The following CARD8 variants were observed in gnomAD, a reference collection of about 807,000 sequenced individuals.
The protein encoded by CARD8 is caspase recruitment domain family member 8.
A neutral mutation model predicts 53.2 loss-of-function variants in CARD8; 38 were observed. That is an observed-to-expected ratio of 0.71 (90% CI 0.55 to 0.94). The LOEUF is 0.94. Ranked by LOEUF, CARD8 falls within the 40% of genes least tolerant of loss-of-function variation. The pLI, the probability that CARD8 is intolerant of heterozygous loss-of-function variation, is 0.00. For synonymous variants in CARD8, 245 were observed against 244.9 expected, an observed-to-expected ratio of 1.00 and a Z score of 0.00; for missense variants, 561 against 655.5, an observed-to-expected ratio of 0.86 and a Z score of 1.57.
chr19:48,237,614 T>C (rs747864876), intron 5 of CARD8, among the ~76,000 whole-genome samples: 1 of 151,708 alleles, frequency 6.6e-6, no homozygotes, highest in Non-Finnish European at 1.5e-5. Flanking sequence ...CTGGCCAACA[T>C]GGTGAAACCC....
downstream of CARD8, among the ~76,000 whole-genome samples, chr19:48,205,030 TTAAG>T (rs1433344119): frequency 6.6e-6 from 1 of 152,124 alleles, no homozygotes; most frequent in African/African-American, 2.4e-5. Context: ...TATGGTTAAT[TTAAG>T]TGTTTGTGAA....
chr19:48,254,730 A>G (rs1008865852), intron 1 of CARD8, among the ~76,000 whole-genome samples: 1 of 152,206 alleles, frequency 6.6e-6, no homozygotes, highest in Non-Finnish European at 1.5e-5. Flanking sequence ...AAATGGAGTC[A>G]CTTATGTTAA....
At chr19:48,222,722 T>C (rs961691275) in intron 10 of CARD8, among the ~76,000 whole-genome samples, 5 of 151,336 alleles carry the variant, frequency 3.3e-5, no homozygotes, top group African/African-American at 1.2e-4. Context: ...TGAGCAGCCA[T>C]CAAAGACACA....
chr19:48,234,323 AAATTCCTC>A, intron 6 of CARD8, 72 bp downstream of exon 6: 1 of 1,435,358 alleles, frequency 7.0e-7, no homozygotes, highest in African/African-American at 1.4e-5. Context: ...AAAAACACCC[AAATTCCTC>A]TAATTCTCAT....
At chr19:48,224,647 T>C (rs75912729) in intron 10 of CARD8, among the ~76,000 whole-genome samples, 6,174 of 152,084 alleles carry the variant, frequency 0.041, 395 homozygotes, top group African/African-American at 0.13. Flanking sequence ...AGGTTTCTCC[T>C]CTCTTCTTCC....
chr19:48,224,818 C>T (rs1330795418), intron 10 of CARD8, among the ~76,000 whole-genome samples: 2 of 147,582 alleles, frequency 1.4e-5, no homozygotes, highest in African/African-American at 5.0e-5. Flanking sequence ...TGCAGTGGTG[C>T]GATCTCGGCT....
At chr19:48,217,225 C>A (rs567060903) in intron 12 of CARD8, among the ~76,000 whole-genome samples, 129 of 152,282 alleles carry the variant, frequency 8.5e-4, no homozygotes, top group African/African-American at 3.0e-3. Context: ...CGGTTTCTAA[C>A]GGGCCACAGA....
At chr19:48,221,045 AAG>A (rs1294706817) in intron 11 of CARD8, among the ~76,000 whole-genome samples, 3 of 150,398 alleles carry the variant, frequency 2.0e-5, no homozygotes, top group Non-Finnish European at 4.4e-5. Flanking sequence ...GGAAAAAAGA[AAG>A]AGGAAGGAAG....
chr19:48,217,314 C>G (rs932303295), intron 12 of CARD8, among the ~76,000 whole-genome samples: 2 of 152,156 alleles, frequency 1.3e-5, no homozygotes, highest in Non-Finnish European at 2.9e-5. Context: ...CCCCAAACTA[C>G]TAAAATACAA....
Position 48,215,355 on chromosome 19 carries a change from G to A in CARD8, c.1333C>T (p.Pro445Ser). 6.2e-7 allele frequency: 1 copy of A among 1,611,270 alleles called. No individual in the cohort carries two copies. The highest frequency in any genetic ancestry group is 2.2e-5 in the East Asian group (1 of 44,800). The change falls in exon 13 of 14, where the codon CCT (proline) becomes TCT (serine). Residue 445 changes from proline to serine, a missense_variant. By Grantham distance (74) the Pro-to-Ser change is moderately conservative (BLOSUM62 -1). Coordinates refer to ENST00000651546, the MANE Select transcript of CARD8 (RefSeq NM_001184900.3). ...TTTCACTTACCTGAGAAAGGAGGAG[G>A]GGCTGATGCAGCTACAAGCTGGAGA... is the stretch of plus-strand genomic sequence containing the variant. ...VDLQLVAASA[P>S]PPFSGAAFVK...
intron 10 of CARD8, chr19:48,223,990 C>G: frequency 2.3e-6 from 1 of 435,170 alleles, no homozygotes; most frequent in Non-Finnish European, 4.6e-6. Context: ...GAGATGGAGT[C>G]TCGCTCTGTC....
intron 12 of CARD8, among the ~76,000 whole-genome samples, chr19:48,216,381 G>A (rs2039301210): frequency 6.6e-6 from 1 of 152,178 alleles, no homozygotes; most frequent in African/African-American, 2.4e-5. Flanking sequence ...GGAGAGCTAA[G>A]AAGTTGCACA....
chr19:48,212,405 G>A (rs2038182667), intron 13 of CARD8, among the ~76,000 whole-genome samples: 1 of 152,202 alleles, frequency 6.6e-6, no homozygotes, highest in South Asian at 2.1e-4. Context: ...AGCTTAGCTG[G>A]CAGAGCTATG....
chr19:48,228,644 T>A (rs1258273944), intron 10 of CARD8, among the ~76,000 whole-genome samples: 1 of 152,020 alleles, frequency 6.6e-6, no homozygotes, highest in African/African-American at 2.4e-5. Flanking sequence ...AAATTGGAAG[T>A]ATGACTGCAG....
rs143313197 is a variant in CARD8 at position 48,213,787 on chromosome 19, T to C, written c.1348+1553A>G. Among the ~76,000 whole-genome samples the C allele has an allele frequency of 3.4e-3, 521 of 152,322 alleles. 3 individuals are homozygous for C. The highest frequency in any genetic ancestry group is 0.012 in the African/African-American group (480 of 41,584). On this transcript the variant is annotated intron_variant, in intron 13 of 13. Coordinates refer to ENST00000651546, the MANE Select transcript of CARD8 (RefSeq NM_001184900.3). ...CTTCACTTTTACAACAGCCCCACCG[T>C]TCCCCACTTCCTATTCATTCCCAAC...
chr19:48,248,404 A>G (rs749279641), intron 3 of CARD8, among the ~76,000 whole-genome samples: 42 of 152,350 alleles, frequency 2.8e-4, no homozygotes, highest in Non-Finnish European at 4.3e-4. Flanking sequence ...ATTCCTTGAC[A>G]TATTGAAGAA....
intron 12 of CARD8, among the ~76,000 whole-genome samples, chr19:48,215,850 A>T (rs1272745188): frequency 6.6e-6 from 1 of 152,202 alleles, no homozygotes; most frequent in East Asian, 1.9e-4. Context: ...AATTAAAAAA[A>T]TTTCCCATGA....
chr19:48,250,274 G>C (rs1314375201), intron 1 of CARD8, among the ~76,000 whole-genome samples: 1 of 152,182 alleles, frequency 6.6e-6, no homozygotes, highest in East Asian at 1.9e-4. Flanking sequence ...ATATTGTTTT[G>C]ACAGGATTTT....
At chr19:48,241,130 G>T (rs759106083) in intron 3 of CARD8, 67 bp from the exon 4 acceptor site, 3 of 878,186 alleles carry the variant, frequency 3.4e-6, no homozygotes, top group African/African-American at 3.4e-5. Context: ...CTTAGCTTCT[G>T]TGTCTCTCAA....
Sources: allele counts gnomAD v4.1 joint callset (sites outside exome capture counted in the v4.1 genomes callset), GRCh38; gene constraint gnomAD v4.1.1; transcripts MANE v1.5; gene names NCBI Gene and HGNC (gene_info 2026-07-23, HGNC 2026-07-21).